TRDN: variants seen among roughly 807,000 people sequenced by gnomAD.
TRDN encodes triadin, also known as triadin in skeletal muscle.
In TRDN, 161 loss-of-function variants were observed where a neutral mutation model predicts 149.7. The observed-to-expected ratio is 1.08, with a 90% CI of 0.95 to 1.23. TRDN has a LOEUF of 1.23. Among genes scored for constraint, TRDN ranks in the 50% most tolerant of loss-of-function variants. The probability of loss-of-function intolerance (pLI) is 0.00; values close to 1 mark genes in which losing one functional copy is unlikely to be tolerated. For synonymous variants in TRDN, 294 were observed against 250.5 expected, an observed-to-expected ratio of 1.17 and a Z score of -1.64; for missense variants, 896 against 823.5, an observed-to-expected ratio of 1.09 and a Z score of -1.08.
At chr6:123,601,916 G>A (rs553859194) in intron 1 of TRDN, among the ~76,000 whole-genome samples, 1 of 152,180 alleles carries the variant, frequency 6.6e-6, no homozygotes, top group East Asian at 1.9e-4. Context: ...AGGAAACTGA[G>A]GCTCAGAAAC....
intron 24 of TRDN, among the ~76,000 whole-genome samples, chr6:123,286,015 T>TA: frequency 6.6e-6 from 1 of 151,940 alleles, no homozygotes; most frequent in African/African-American, 2.4e-5. Flanking sequence ...ATCAAAAAAT[T>TA]AAAAAATAAT....
At chr6:123,563,651 G>A (rs1182418205) in intron 2 of TRDN, among the ~76,000 whole-genome samples, 2 of 152,176 alleles carry the variant, frequency 1.3e-5, no homozygotes, top group Non-Finnish European at 2.9e-5. Flanking sequence ...TACTACTCCA[G>A]TTGGATGATT....
intron 35 of TRDN, among the ~76,000 whole-genome samples, chr6:123,257,316 T>C: frequency 6.6e-6 from 1 of 152,164 alleles, no homozygotes; most frequent in East Asian, 1.9e-4. Flanking sequence ...AATTTTTGTA[T>C]AAGGCATAAG....
At chr6:123,332,969 A>T (rs989683672) in intron 22 of TRDN, among the ~76,000 whole-genome samples, 1 of 151,998 alleles carries the variant, frequency 6.6e-6, no homozygotes, top group South Asian at 2.1e-4. Flanking sequence ...AGCATGTAGA[A>T]TTTTTTTTAA....
At chr6:123,385,469 T>G (rs1160165456) in intron 14 of TRDN, among the ~76,000 whole-genome samples, 1 of 151,332 alleles carries the variant, frequency 6.6e-6, no homozygotes, top group Non-Finnish European at 1.5e-5. Flanking sequence ...GAAATACCAA[T>G]TTATATTGAA....
chr6:123,250,149 T>G (rs1341973618), intron 38 of TRDN, among the ~76,000 whole-genome samples: 1 of 151,932 alleles, frequency 6.6e-6, no homozygotes, highest in Admixed American at 6.6e-5. Flanking sequence ...AAAAGAAAGA[T>G]CTCTACAAGG....
chr6:123,565,871 A>T (rs1338193350), intron 2 of TRDN, among the ~76,000 whole-genome samples: 1 of 152,202 alleles, frequency 6.6e-6, no homozygotes, highest in Non-Finnish European at 1.5e-5. Flanking sequence ...TGGTGGTGAG[A>T]GACAAACAAG....
chr6:123,616,427 T>G (rs1785087938), intron 1 of TRDN, among the ~76,000 whole-genome samples: 1 of 152,198 alleles, frequency 6.6e-6, no homozygotes, highest in Admixed American at 6.6e-5. Flanking sequence ...CTTTTAGTGC[T>G]TCATGCAGTG....
chr6:123,488,711 T>A (rs1466163961), intron 9 of TRDN: 1 of 3,702 alleles, frequency 2.7e-4, no homozygotes, highest in Non-Finnish European at 8.7e-4. Context: ...CCAATCTTGT[T>A]TTTTTTTTTT....
intron 12 of TRDN, among the ~76,000 whole-genome samples, chr6:123,415,753 C>T (rs1388405500): frequency 6.6e-6 from 1 of 152,130 alleles, no homozygotes; most frequent in Non-Finnish European, 1.5e-5. Context: ...AGACATTAGG[C>T]TAATTTCAAT....
chr6:123,389,180 C>T (rs1782015997), intron 13 of TRDN, among the ~76,000 whole-genome samples: 2 of 152,124 alleles, frequency 1.3e-5, no homozygotes, highest in South Asian at 2.1e-4. Context: ...AAATCTGGAT[C>T]CACGTTGTTG....
intron 35 of TRDN, among the ~76,000 whole-genome samples, 183 bp from the exon 36 acceptor site, chr6:123,256,085 C>T (rs1458054642): frequency 1.3e-5 from 2 of 152,020 alleles, no homozygotes; most frequent in African/African-American, 4.8e-5. Context: ...GCTATCCCTC[C>T]CCTTAACCCC....
At chr6:123,442,545 CA>C (rs1434202710) in intron 10 of TRDN, among the ~76,000 whole-genome samples, 899 of 36,376 alleles carry the variant, frequency 0.025, 45 homozygotes, top group East Asian at 0.24. Context: ...GACTCCGTCT[CA>C]AAAAAAAAAA....
chr6:123,588,590 A>G (rs898773379), intron 1 of TRDN, among the ~76,000 whole-genome samples: 2 of 152,222 alleles, frequency 1.3e-5, no homozygotes, highest in African/African-American at 4.8e-5. Context: ...GTGATGATTT[A>G]TGATCTCAGT....
At chr6:123,282,062 T>C (rs1346854709) in intron 24 of TRDN, among the ~76,000 whole-genome samples, 1 of 151,790 alleles carries the variant, frequency 6.6e-6, no homozygotes, top group Non-Finnish European at 1.5e-5. Context: ...GGAAAAGAGA[T>C]ACAGAGATGG....
chr6:123,631,990 C>T (rs1786030342), intron 1 of TRDN, among the ~76,000 whole-genome samples: 2 of 152,054 alleles, frequency 1.3e-5, no homozygotes, highest in South Asian at 4.1e-4. Flanking sequence ...TATAATTATT[C>T]ATTAAGGTTA....
At chr6:123,485,989 C>A (rs1038003894) in intron 9 of TRDN, among the ~76,000 whole-genome samples, 1 of 151,962 alleles carries the variant, frequency 6.6e-6, no homozygotes, top group African/African-American at 2.4e-5. Flanking sequence ...CTGAGGAACC[C>A]AAGGACCTGG....
chr6:123,260,642 T>TATAA lies in TRDN; in HGVS notation c.1805-5_1805-4insTTAT. ...TCTGTGACTTCTGATGTTCCTTCTT[T>TATAA]AGAAAAAAAAAAAAAAAGAATGTAG... On this transcript the variant is annotated splice_polypyrimidine_tract_variant and splice_region_variant and intron_variant, in intron 33 of 40. Transcript: ENST00000334268. 1 of 916,336 alleles carries TATAA rather than the reference T, an allele frequency of 1.1e-6. No individual in the cohort carries two copies. The highest frequency in any genetic ancestry group is 4.1e-5 in the East Asian group (1 of 24,562). 56.8% of individuals were successfully genotyped at this position (916,336 alleles called of 1,614,324 possible). A position where few individuals can be genotyped will look rare whatever the true frequency, so the allele number is the denominator to read the frequency against.
chr6:123,629,050 A>G (rs186578699), intron 1 of TRDN, among the ~76,000 whole-genome samples: 1 of 152,202 alleles, frequency 6.6e-6, no homozygotes, highest in Admixed American at 6.6e-5. Flanking sequence ...TTTTTCCCCT[A>G]GTCAATAATA....
Sources: allele counts gnomAD v4.1 joint callset (sites outside exome capture counted in the v4.1 genomes callset), GRCh38; gene constraint gnomAD v4.1.1; transcripts MANE v1.5; gene names NCBI Gene and HGNC (gene_info 2026-07-23, HGNC 2026-07-21).